The following CEP164 variants were observed in gnomAD, a reference collection of about 807,000 sequenced individuals.
CEP164 encodes centrosomal protein 164.
A neutral mutation model predicts 182.7 loss-of-function variants in CEP164; 162 were observed. The ratio of observed to expected loss-of-function variants is 0.89; its 90% CI spans 0.78 to 1.01. CEP164 has a LOEUF of 1.01. Ranked by LOEUF, CEP164 falls within the 50% of genes least tolerant of loss-of-function variation. The probability of loss-of-function intolerance (pLI) is 0.00; values close to 1 mark genes in which losing one functional copy is unlikely to be tolerated. For missense variants in CEP164, 1,735 were observed against 1,790.4 expected, an observed-to-expected ratio of 0.97 and a Z score of 0.56; for synonymous variants, 661 against 690.0, an observed-to-expected ratio of 0.96 and a Z score of 0.66.
At chr11:117,328,936 TA>T (rs2035767554) in intron 1 of CEP164, among the ~76,000 whole-genome samples, 1 of 152,218 alleles carries the variant, frequency 6.6e-6, no homozygotes, top group Non-Finnish European at 1.5e-5. Flanking sequence ...TTCTGCCTCT[TA>T]ATTCCCCTAG....
At chr11:117,391,776 A>C (rs921890398) in intron 17 of CEP164, among the ~76,000 whole-genome samples, 1 of 152,196 alleles carries the variant, frequency 6.6e-6, no homozygotes, top group Non-Finnish European at 1.5e-5. Flanking sequence ...AGTCTCTCTG[A>C]GCACTTGTAG....
rs1165796585 is a variant in CEP164 at position 117,394,441 on chromosome 11, G to A, written c.2708G>A (p.Arg903Lys). 6.2e-7 allele frequency: 1 copy of A among 1,614,038 alleles called. No homozygotes were observed. Among genetic ancestry groups the A allele is most frequent in the Non-Finnish European group, 8.5e-7 (1 of 1,180,024 alleles). The change falls in exon 21 of 33, where the codon AGG becomes AAG. Residue 903 changes from arginine (R) to lysine (K), a missense_variant. Coordinates refer to ENST00000278935, the MANE Select transcript of CEP164 (RefSeq NM_014956.5). The surrounding 1 kb of genome is among the most constrained non-coding windows in gnomAD (Gnocchi z 4.0). The part of the protein sequence containing the change: ...RAHERELETV[R>K]QEQHKRLEDL... The stretch of plus-strand genomic sequence containing the variant: ...CATGAACGAGAACTGGAGACTGTGA[G>A]GCAGGAGCAACACAAGCGTCTTGAG...
chr11:117,361,813 C>G, intron 5 of CEP164, 22 bp from the exon 6 acceptor site: 1 of 1,614,056 alleles, frequency 6.2e-7, no homozygotes, highest in East Asian at 2.2e-5. Context: ...TGAGTTGTAA[C>G]AAGATGTTTT....
intron 14 of CEP164, 121 bp downstream of exon 14, chr11:117,383,063 G>T: frequency 8.7e-7 from 1 of 1,154,344 alleles, no homozygotes; most frequent in Non-Finnish European, 1.2e-6. Flanking sequence ...TAGAGTGTAG[G>T]GAGATTAAGC....
chr11:117,324,361 C>T (rs1163114237), upstream of CEP164, among the ~76,000 whole-genome samples: 5 of 151,414 alleles, frequency 3.3e-5, no homozygotes. Context: ...GCAGGAGAAT[C>T]GCTTGAACCC....
chr11:117,407,512 G>A (rs559468096), intron 27 of CEP164, among the ~76,000 whole-genome samples: 3 of 150,460 alleles, frequency 2.0e-5, no homozygotes, highest in Non-Finnish European at 3.0e-5. Flanking sequence ...AAAAAGCCAG[G>A]TGTGGTGGCA....
At position 117,362,393 on chromosome 11, in the gene CEP164, C is replaced by T. The variant is rs200692234; in HGVS notation, c.553-11C>T. 78 of 1,608,082 alleles carry T rather than the reference C, an allele frequency of 4.9e-5. 1 individual carries two copies. The Admixed American group carries it at 9.1e-4, about 19-fold the overall frequency. Reference sequence around the variant, plus strand: ...AAGTGAGTCCTTTGACTGTCCTTCTCTATTTTGAAGCCTTCACAGGGTCTC... The same window carrying T: ...AAGTGAGTCCTTTGACTGTCCTTCTTTATTTTGAAGCCTTCACAGGGTCTC... On this transcript the variant is annotated splice_polypyrimidine_tract_variant and intron_variant, in intron 6 of 32. Transcript: ENST00000278935.
chr11:117,334,753 C>T (rs1233957816), intron 1 of CEP164, among the ~76,000 whole-genome samples: 1 of 140,322 alleles, frequency 7.1e-6, no homozygotes, highest in South Asian at 2.2e-4. Flanking sequence ...CCACTGCACT[C>T]CAGCCTGGGT....
intron 20 of CEP164, 55 bp downstream of exon 20, chr11:117,393,181 G>T: frequency 6.3e-7 from 1 of 1,584,572 alleles, no homozygotes; most frequent in Non-Finnish European, 8.6e-7. Flanking sequence ...ACACATGCAC[G>T]CACATGCACA....
intron 3 of CEP164, among the ~76,000 whole-genome samples, chr11:117,343,936 T>G (rs1323389869): frequency 6.6e-6 from 1 of 152,130 alleles, no homozygotes; most frequent in Non-Finnish European, 1.5e-5. Context: ...GCCTATTTTT[T>G]GCTTTTTTAA....
Position 117,338,626 on chromosome 11 carries a change from C to T in CEP164, c.40C>T (p.Leu14=). ...CCTCCGCATAGGAGATCAGCTGGTTCTGGAAGAAGATTATGATGAGACCTA... is the reference window on the plus strand; with the variant it reads ...CCTCCGCATAGGAGATCAGCTGGTTTTGGAAGAAGATTATGATGAGACCTA... ...RPLRIGDQLV[L]EEDYDETYIP... Residue 14 remains leucine (L), a synonymous_variant, in exon 3 of 33, where the codon CTG becomes TTG. Coordinates refer to ENST00000278935, the MANE Select transcript of CEP164 (RefSeq NM_014956.5). 6.2e-7 allele frequency: 1 copy of T among 1,614,084 alleles called. No individual in the cohort carries two copies. Among genetic ancestry groups the T allele is most frequent in the Non-Finnish European group, 8.5e-7 (1 of 1,180,006 alleles).
chr11:117,378,908 G>A (rs1045582314), intron 11 of CEP164, among the ~76,000 whole-genome samples: 2 of 152,102 alleles, frequency 1.3e-5, no homozygotes, highest in African/African-American at 2.4e-5. Flanking sequence ...TGATAGCCCC[G>A]GAGTCCTTTC....
intron 5 of CEP164, chr11:117,354,920 A>C (rs1019810990): frequency 7.9e-7 from 1 of 1,268,668 alleles, no homozygotes; most frequent in Non-Finnish European, 1.0e-6. Flanking sequence ...GCATGTTTAT[A>C]TACCCATCTA....
intron 11 of CEP164, among the ~76,000 whole-genome samples, chr11:117,380,086 C>T (rs1301327915): frequency 6.6e-6 from 1 of 151,898 alleles, no homozygotes; most frequent in East Asian, 1.9e-4. Context: ...CCCTTTTTGT[C>T]TCTGGCACAG....
intron 9 of CEP164, among the ~76,000 whole-genome samples, chr11:117,371,708 A>G (rs1315354645): frequency 3.3e-5 from 5 of 151,258 alleles, no homozygotes; most frequent in African/African-American, 9.7e-5. Context: ...GAGAGAAGAA[A>G]TTTGCTTTTC....
In CEP164 at chr11:117,322,288, T is replaced by G. The variant is rs574004828; in HGVS notation, c.-98+7560T>G. 2.2e-4 allele frequency among the ~76,000 whole-genome samples: 34 copies of G among 152,184 alleles called. No individual in the cohort carries two copies. The South Asian group carries it at 6.8e-3, about 31-fold the overall frequency. On this transcript the variant is annotated intron_variant, in intron 1 of 4. Transcript: ENST00000525734. ...GTACCACCATGCCCGGCTAATTTTTTGTATTTTTAGTAGAGATGGGGTTTC... is the reference window on the plus strand; with the variant it reads ...GTACCACCATGCCCGGCTAATTTTTGGTATTTTTAGTAGAGATGGGGTTTC...
rs1334397014 is a variant in CEP164, at chr11:117,335,213, G to A, written c.-97-392G>A. 2.6e-5 allele frequency among the ~76,000 whole-genome samples: 4 copies of A among 152,204 alleles called. No homozygotes were observed. In the East Asian group the frequency reaches 5.8e-4, roughly 22 times the overall value. On this transcript the variant is annotated intron_variant, in intron 1 of 32. Transcript: ENST00000278935. The stretch of plus-strand genomic sequence containing the variant: ...CTGACTGTGTGTGTAGCACAGTGGG[G>A]CATCATGTCTGCAGGATGTTACGGG...
At chr11:117,350,367 C>T (rs1469969912) in intron 4 of CEP164, among the ~76,000 whole-genome samples, 1 of 152,108 alleles carries the variant, frequency 6.6e-6, no homozygotes, top group Non-Finnish European at 1.5e-5. Context: ...CTGTGCCTGG[C>T]TAATTTTTTT....
At chr11:117,383,406 G>A (rs12797557) in intron 14 of CEP164, among the ~76,000 whole-genome samples, 27,061 of 152,042 alleles carry the variant, frequency 0.18, 3,040 homozygotes, top group Non-Finnish European at 0.26. Context: ...AAGTTTCCTC[G>A]TGCCCCTCTC....
Sources: allele counts gnomAD v4.1 joint callset (sites outside exome capture counted in the v4.1 genomes callset), GRCh38; gene constraint gnomAD v4.1.1; non-coding constraint Gnocchi (gnomAD v3.1); transcripts MANE v1.5; gene names NCBI Gene and HGNC (gene_info 2026-07-23, HGNC 2026-07-21).